The following NFATC3 variants were observed in gnomAD, a reference collection of about 807,000 sequenced individuals.
NFATC3 encodes the protein nuclear factor of activated T cells 3.
In NFATC3, 46 loss-of-function variants were observed where a neutral mutation model predicts 98.6. The ratio of observed to expected loss-of-function variants is 0.47; its 90% confidence interval spans 0.37 to 0.60. NFATC3 has a LOEUF of 0.60. Ranked by LOEUF, NFATC3 falls within the 20% of genes least tolerant of loss-of-function variation. The pLI is 0.00. For missense variants in NFATC3, 1,256 were observed against 1,295.5 expected (o/e 0.97, Z 0.47); for synonymous variants, 512 against 472.2 (o/e 1.08, Z -1.09).
intron 1 of NFATC3, among the ~76,000 whole-genome samples, chr16:68,116,191 A>C (rs543161826): frequency 6.6e-6 from 1 of 152,104 alleles, no homozygotes; most frequent in Admixed American, 6.6e-5. Context: ...GTCATGACAC[A>C]GTTAAAAACA....
intron 1 of NFATC3, among the ~76,000 whole-genome samples, chr16:68,109,072 C>G (rs145673917): frequency 6.6e-6 from 1 of 152,300 alleles, no homozygotes; most frequent in East Asian, 1.9e-4. Context: ...ATTTCTTTCT[C>G]TTGCCTCATT....
chr16:68,215,854 A>G (rs145157356), intron 9 of NFATC3, among the ~76,000 whole-genome samples: 5,747 of 150,132 alleles, frequency 0.038, 118 homozygotes, highest in Middle Eastern at 0.15. Context: ...TAGCCTCCCG[A>G]GTAGCTGGGA....
At chr16:68,176,637 A>G (rs1047309271) in intron 6 of NFATC3, among the ~76,000 whole-genome samples, 7 of 152,168 alleles carry the variant, frequency 4.6e-5, no homozygotes, top group African/African-American at 1.4e-4. Flanking sequence ...GTATTTTGAA[A>G]TTTGGGTTTG....
chr16:68,156,302 C>T (rs563466615), intron 3 of NFATC3, among the ~76,000 whole-genome samples: 5 of 151,836 alleles, frequency 3.3e-5, no homozygotes, highest in Admixed American at 1.3e-4. Flanking sequence ...GGGACAAGAG[C>T]GAGACTTCGT....
intron 5 of NFATC3, among the ~76,000 whole-genome samples, chr16:68,173,574 A>C (rs2039562251): frequency 6.6e-6 from 1 of 152,232 alleles, no homozygotes; most frequent in African/African-American, 2.4e-5. Context: ...CTCAAAAAAA[A>C]TAAATAAATA....
At chr16:68,182,243 A>G (rs1033968986) in intron 7 of NFATC3, among the ~76,000 whole-genome samples, 2 of 152,198 alleles carry the variant, frequency 1.3e-5, no homozygotes, top group African/African-American at 4.8e-5. Flanking sequence ...TACTTAACAC[A>G]TATTTCTAAC....
chr16:68,174,368 A>T lies in NFATC3; in HGVS notation c.1775-6A>T, dbSNP rs2039596342. 7.2e-7 allele frequency: 1 copy of T among 1,389,332 alleles called. No individual in the cohort carries two copies. The allele number at this position is 1,389,332 out of a possible 1,614,324, so 86.1% of individuals were successfully genotyped here. On this transcript the variant is annotated splice_region_variant and splice_polypyrimidine_tract_variant and intron_variant, in intron 5 of 9. Coordinates refer to ENST00000346183, the MANE Select transcript of NFATC3 (RefSeq NM_173165.3). Reference sequence around the variant, plus strand: ...TTTCTCAACTCTTTAAAAAAATTTAAAACAGCCCAGCGGTCTGCTCAAGAA... The same window carrying T: ...TTTCTCAACTCTTTAAAAAAATTTATAACAGCCCAGCGGTCTGCTCAAGAA...
rs910522057 is a variant in NFATC3, at chr16:68,226,536, G to A, written c.*65G>A. ...AGCATGTTTCTCTCCTTGGACCTTGGGTTTCCAACTCTGCAGCCTTCAGGT... is the reference window on the plus strand; with the variant it reads ...AGCATGTTTCTCTCCTTGGACCTTGAGTTTCCAACTCTGCAGCCTTCAGGT... On this transcript the variant is annotated 3_prime_UTR_variant, in exon 10 of 10. Transcript: ENST00000346183. The A allele has an allele frequency of 4.2e-6, 6 of 1,434,668 alleles. No individual in the cohort carries two copies. The highest frequency in any genetic ancestry group is 5.5e-6 in the Non-Finnish European group (6 of 1,095,416). The allele number at this position is 1,434,668 out of a possible 1,614,324, so 88.9% of individuals were successfully genotyped here.
At chr16:68,101,558 A>G (rs2035361384) in intron 1 of NFATC3, among the ~76,000 whole-genome samples, 1 of 149,260 alleles carries the variant, frequency 6.7e-6, no homozygotes, top group African/African-American at 2.5e-5. Context: ...ATCTCGGCTC[A>G]CTGCAAGCTC....
intron 5 of NFATC3, 30 bp downstream of exon 5, chr16:68,167,045 T>G (rs778250129): frequency 1.3e-6 from 2 of 1,597,554 alleles, no homozygotes; most frequent in Admixed American, 3.5e-5. Context: ...TGTTTTAAGA[T>G]CTTGTGTATA....
chr16:68,210,024 G>C (rs898542779), intron 9 of NFATC3, among the ~76,000 whole-genome samples: 1 of 151,622 alleles, frequency 6.6e-6, no homozygotes, highest in African/African-American at 2.4e-5. Flanking sequence ...ATGGCCAGGT[G>C]CAGTGGCTCG....
intron 1 of NFATC3, among the ~76,000 whole-genome samples, chr16:68,121,634 T>C (rs2036586833): frequency 6.7e-6 from 1 of 149,876 alleles, no homozygotes; most frequent in African/African-American, 2.5e-5. Context: ...GATCACACCA[T>C]TGCACTCCAG....
At chr16:68,117,161 A>G (rs1003612074) in intron 1 of NFATC3, among the ~76,000 whole-genome samples, 8 of 152,168 alleles carry the variant, frequency 5.3e-5, no homozygotes, top group Admixed American at 1.3e-4. Flanking sequence ...TTTATGCTGT[A>G]TATTTTGAGT....
intron 9 of NFATC3, among the ~76,000 whole-genome samples, chr16:68,216,858 G>T (rs1485262091): frequency 6.6e-6 from 1 of 152,146 alleles, no homozygotes; most frequent in Non-Finnish European, 1.5e-5. Context: ...AAAAAGGAAG[G>T]AGTCTTAAGA....
At chr16:68,185,562 T>G (rs543217825) in intron 8 of NFATC3, among the ~76,000 whole-genome samples, 1 of 152,146 alleles carries the variant, frequency 6.6e-6, no homozygotes, top group South Asian at 2.1e-4. Context: ...ACTTACTACC[T>G]TATAATGGTA....
chr16:68,170,966 G>A (rs1001577488), intron 5 of NFATC3, among the ~76,000 whole-genome samples: 2 of 151,950 alleles, frequency 1.3e-5, no homozygotes, highest in East Asian at 1.9e-4. Flanking sequence ...TTTTCATCAC[G>A]CAAGTAGTTT....
chr16:68,093,788 T>C (rs2034858413), intron 1 of NFATC3, among the ~76,000 whole-genome samples: 1 of 152,224 alleles, frequency 6.6e-6, no homozygotes, highest in African/African-American at 2.4e-5. Context: ...TTTTCTGACC[T>C]CAAATTTTGG....
At chr16:68,105,731 A>C (rs2035618671) in intron 1 of NFATC3, among the ~76,000 whole-genome samples, 1 of 151,970 alleles carries the variant, frequency 6.6e-6, no homozygotes, top group Non-Finnish European at 1.5e-5. Context: ...TTCCTGGGAG[A>C]ATTTTGACTA....
chr16:68,131,144 C>CCCACCA (rs1328303768), intron 3 of NFATC3, among the ~76,000 whole-genome samples: 2 of 151,934 alleles, frequency 1.3e-5, no homozygotes, highest in Non-Finnish European at 2.9e-5. Flanking sequence ...TTTGGTGGTT[C>CCCACCA]AATTTAAATT....
Sources: gnomAD v4.1 joint callset for allele counts (sites outside exome capture counted in the v4.1 genomes callset) on GRCh38, gnomAD v4.1.1 for gene constraint, MANE v1.5 for transcripts, NCBI Gene and HGNC (gene_info 2026-07-23, HGNC 2026-07-21) for gene names.